Variants in DTWD2 observed in about 807,000 individuals in gnomAD.
DTWD2 encodes the protein DTW motif tRNA-uridine aminocarboxypropyltransferase 2, also known as tRNA-uridine aminocarboxypropyltransferase 2.
In DTWD2, 39 loss-of-function variants were observed where a neutral mutation model predicts 31.8. The ratio of observed to expected loss-of-function variants is 1.22; its 90% CI spans 0.95 to 1.60. DTWD2 has a LOEUF of 1.60. DTWD2 is among the 40% of genes most tolerant of loss of function. DTWD2 has a pLI of 0.00. For missense variants in DTWD2, 515 were observed against 381.5 expected, an observed-to-expected ratio of 1.35 and a Z score of -2.92; for synonymous variants, 180 against 142.8, an observed-to-expected ratio of 1.26 and a Z score of -1.86.
rs547284147 is a variant in DTWD2 at position 118,881,802 on chromosome 5, A to T, written c.598-33584T>A. Among the ~76,000 whole-genome samples the T allele has an allele frequency of 2.8e-4, 43 of 152,250 alleles. No individual in the cohort carries two copies. The South Asian group carries it at 5.0e-3, about 18-fold the overall frequency. On this transcript the variant is annotated intron_variant, in intron 4 of 5. Coordinates refer to ENST00000510708, the MANE Select transcript of DTWD2 (RefSeq NM_173666.4). ...ACCATCATGAGAATGGCAAGAGAAAAACCAGCCCCATTATTCGATCACTTC... is the reference window on the plus strand; with the variant it reads ...ACCATCATGAGAATGGCAAGAGAAATACCAGCCCCATTATTCGATCACTTC...
chr5:118,935,949 T>C (rs1158171192), intron 3 of DTWD2, among the ~76,000 whole-genome samples: 1 of 152,200 alleles, frequency 6.6e-6, no homozygotes, highest in African/African-American at 2.4e-5. Flanking sequence ...TAGTCTTTTC[T>C]TGTGCATATA....
intron 4 of DTWD2, among the ~76,000 whole-genome samples, chr5:118,857,638 T>C (rs1391821808): frequency 6.6e-6 from 1 of 152,206 alleles, no homozygotes; most frequent in Non-Finnish European, 1.5e-5. Flanking sequence ...ACATAATTTA[T>C]AAATATTTTA....
chr5:118,916,078 G>A (rs556652190), intron 4 of DTWD2, among the ~76,000 whole-genome samples: 1 of 152,162 alleles, frequency 6.6e-6, no homozygotes, highest in Non-Finnish European at 1.5e-5. Context: ...TCACATTTCA[G>A]AAACTTGAGA....
chr5:118,863,494 G>C (rs908276717), intron 4 of DTWD2, among the ~76,000 whole-genome samples: 2 of 152,152 alleles, frequency 1.3e-5, no homozygotes, highest in Non-Finnish European at 2.9e-5. Flanking sequence ...TGAGTCAACT[G>C]CATATCTACT....
chr5:118,899,270 G>C (rs1304182364), intron 4 of DTWD2, among the ~76,000 whole-genome samples: 1 of 152,158 alleles, frequency 6.6e-6, no homozygotes, highest in East Asian at 1.9e-4. Context: ...TCAGACATGA[G>C]TTATAGTGCT....
At chr5:118,972,820 A>G (rs1230318548) in intron 1 of DTWD2, among the ~76,000 whole-genome samples, 1 of 152,220 alleles carries the variant, frequency 6.6e-6, no homozygotes, top group African/African-American at 2.4e-5. Context: ...TTGGTTCAAC[A>G]TACGTGAATC....
At chr5:118,881,837 C>T (rs1752749179) in intron 4 of DTWD2, among the ~76,000 whole-genome samples, 2 of 152,144 alleles carry the variant, frequency 1.3e-5, no homozygotes, top group African/African-American at 4.8e-5. Context: ...CCCAACAGGT[C>T]CGTCCTCCAA....
intron 1 of DTWD2, among the ~76,000 whole-genome samples, chr5:118,954,366 C>G (rs1159492498): frequency 6.6e-6 from 1 of 152,138 alleles, no homozygotes; most frequent in Non-Finnish European, 1.5e-5. Flanking sequence ...CAGCATTTTA[C>G]TACTATTTGA....
At chr5:118,915,461 A>G (rs1251516804) in intron 4 of DTWD2, among the ~76,000 whole-genome samples, 22 of 144,414 alleles carry the variant, frequency 1.5e-4, no homozygotes, top group African/African-American at 4.9e-4. Context: ...TGCAAGCTCC[A>G]CCTCCCAGGT....
intron 3 of DTWD2, among the ~76,000 whole-genome samples, chr5:118,932,437 G>T (rs1753945029): frequency 6.6e-6 from 1 of 151,766 alleles, no homozygotes; most frequent in Admixed American, 6.6e-5. Flanking sequence ...TTCAAAATAG[G>T]AAGACAACAG....
chr5:118,856,752 C>G (rs1287520383), intron 4 of DTWD2, among the ~76,000 whole-genome samples: 1 of 142,230 alleles, frequency 7.0e-6, no homozygotes, highest in Non-Finnish European at 1.5e-5. Flanking sequence ...ACCTTCACTC[C>G]ATTGAGGCTT....
At chr5:118,900,300 T>G (rs1375352334) in intron 4 of DTWD2, among the ~76,000 whole-genome samples, 1 of 152,234 alleles carries the variant, frequency 6.6e-6, no homozygotes, top group Admixed American at 6.5e-5. Flanking sequence ...AATAACTTGC[T>G]AGCTTAATAT....
Position 118,854,628 on chromosome 5 carries a change from TACACACAAAAGCAAAC to T in DTWD2, c.598-6426_598-6411del, listed in dbSNP as rs199516101. On this transcript the variant is annotated intron_variant, in intron 4 of 5. Transcript: ENST00000510708. ...CAACCATTATATTTGTCTAATCACA[TACACACAAAAGCAAAC>T]ACACACAAAAACATCAAAATGGAGA... Among the ~76,000 whole-genome samples, 639 of 152,148 alleles carry T rather than the reference TACACACAAAAGCAAAC, an allele frequency of 4.2e-3. 7 individuals are homozygous for T. Among genetic ancestry groups the T allele is most frequent in the East Asian group, 0.029 (150 of 5,182 alleles).
intron 4 of DTWD2, among the ~76,000 whole-genome samples, chr5:118,901,713 C>G (rs950082596): frequency 6.6e-6 from 1 of 152,040 alleles, no homozygotes; most frequent in Non-Finnish European, 1.5e-5. Flanking sequence ...TCCTAACTAT[C>G]CATAAAGTAG....
intron 1 of DTWD2, among the ~76,000 whole-genome samples, chr5:118,972,785 T>C (rs573328358): frequency 6.6e-6 from 1 of 152,338 alleles, no homozygotes; most frequent in East Asian, 1.9e-4. Context: ...CATGATCAAG[T>C]TGGCTTCATC....
chr5:118,867,566 G>A (rs1462942816), intron 4 of DTWD2, among the ~76,000 whole-genome samples: 1 of 152,078 alleles, frequency 6.6e-6, no homozygotes, highest in African/African-American at 2.4e-5. Flanking sequence ...TAACCTCTCT[G>A]GTCTTCCATT....
intron 4 of DTWD2, among the ~76,000 whole-genome samples, chr5:118,875,154 A>G (rs11949048): frequency 0.031 from 4,765 of 152,276 alleles, 103 homozygotes; most frequent in Non-Finnish European, 0.049. Context: ...CAAACAAGCA[A>G]ATGCTGAGGG....
chr5:118,879,073 G>A (rs1752682805), intron 4 of DTWD2, among the ~76,000 whole-genome samples: 1 of 152,156 alleles, frequency 6.6e-6, no homozygotes, highest in African/African-American at 2.4e-5. Context: ...GTGAAAGGCA[G>A]TTTCGAGATG....
chr5:118,843,629 T>C (rs1751778527), intron 5 of DTWD2, among the ~76,000 whole-genome samples: 1 of 152,228 alleles, frequency 6.6e-6, no homozygotes, highest in Non-Finnish European at 1.5e-5. Context: ...ATTCTATTGA[T>C]ATTTTATGAC....
Sources: gnomAD v4.1 joint callset for allele counts (sites outside exome capture counted in the v4.1 genomes callset) on GRCh38, gnomAD v4.1.1 for gene constraint, MANE v1.5 for transcripts, NCBI Gene and HGNC (gene_info 2026-07-23, HGNC 2026-07-21) for gene names.